Variants in AKAP10 observed in about 807,000 individuals in gnomAD.
AKAP10 encodes the protein A-kinase anchor protein 10, mitochondrial.
In AKAP10, 24 loss-of-function variants were observed where a neutral mutation model predicts 80.8. The observed-to-expected ratio is 0.30, with a 90% CI of 0.22 to 0.42. The LOEUF (loss-of-function observed/expected upper bound fraction) is 0.42. AKAP10 is among the 10% of genes least tolerant of loss of function. AKAP10 has a pLI of 1.00. For synonymous variants in AKAP10, 291 were observed against 277.7 expected, an observed-to-expected ratio of 1.05 and a Z score of -0.48; for missense variants, 661 against 794.9, an observed-to-expected ratio of 0.83 and a Z score of 2.03.
chr17:19,929,584 G>A (rs2042910859), intron 10 of AKAP10: 2 of 151,984 alleles, frequency 1.3e-5, no homozygotes, highest in African/African-American at 4.8e-5. Flanking sequence ...AGGTGTCTAA[G>A]GTTATGATAA....
chr17:19,919,243 A>G (rs1029153318), intron 12 of AKAP10, among the ~76,000 whole-genome samples: 2 of 152,168 alleles, frequency 1.3e-5, no homozygotes, highest in Non-Finnish European at 2.9e-5. Context: ...ATGTCCCTAC[A>G]AAGGACATGA....
At chr17:19,920,865 A>AC in intron 11 of AKAP10, among the ~76,000 whole-genome samples, 6 of 145,414 alleles carry the variant, frequency 4.1e-5, no homozygotes, top group African/African-American at 1.6e-4. Context: ...CAAAAAAAAA[A>AC]AAAAAAAAAA....
intron 5 of AKAP10, among the ~76,000 whole-genome samples, chr17:19,946,257 ATAT>A (rs1399305986): frequency 8.8e-5 from 2 of 22,718 alleles, no homozygotes; most frequent in Non-Finnish European, 1.5e-4. Flanking sequence ...ATATATATAT[ATAT>A]ATATATATAT....
chr17:19,916,791 G>GC (rs2042747938), intron 12 of AKAP10, among the ~76,000 whole-genome samples: 1 of 151,066 alleles, frequency 6.6e-6, no homozygotes, highest in South Asian at 2.1e-4. Flanking sequence ...CAAAAAATTA[G>GC]CCGGGCGTGG....
At chr17:19,963,804 G>C (rs2043382846) in intron 2 of AKAP10, among the ~76,000 whole-genome samples, 1 of 151,960 alleles carries the variant, frequency 6.6e-6, no homozygotes, top group African/African-American at 2.4e-5. Context: ...ACCGAGGCAG[G>C]AGAATTGCTT....
intron 10 of AKAP10, among the ~76,000 whole-genome samples, chr17:19,927,365 C>T (rs927754580): frequency 1.3e-5 from 2 of 151,694 alleles, no homozygotes; most frequent in African/African-American, 4.8e-5. Flanking sequence ...AACAAAAACC[C>T]ACCTTTTTTA....
At chr17:19,940,859 A>T in intron 7 of AKAP10, 28 bp downstream of exon 7, 2 of 1,575,528 alleles carry the variant, frequency 1.3e-6, no homozygotes, top group East Asian at 4.5e-5. Flanking sequence ...ATGCTCGAAT[A>T]GAGTGTGAAA....
intron 11 of AKAP10, among the ~76,000 whole-genome samples, chr17:19,922,044 T>A (rs986449784): frequency 6.6e-6 from 1 of 151,972 alleles, no homozygotes; most frequent in Non-Finnish European, 1.5e-5. Context: ...TTACTGTGAG[T>A]AGGAAGGGAA....
At chr17:19,947,142 C>T (rs2043143207) in intron 5 of AKAP10, 5 of 421,312 alleles carry the variant, frequency 1.2e-5, no homozygotes, top group South Asian at 2.5e-5. Flanking sequence ...AGCCGCCCGC[C>T]GGCCCGGCTG....
rs1383026809 is a variant in AKAP10, at chr17:19,946,193, AATACATATATTTTAT to A, written c.976+1199_976+1213del. ...TATATACTATATATGCATATATACT[AATACATATATTTTAT>A]ATATATATATATTTTATATATATAT... On this transcript the variant is annotated intron_variant, in intron 5 of 14. Transcript: ENST00000225737. Among the ~76,000 whole-genome samples the A allele has an allele frequency of 3.5e-5, 3 of 85,570 alleles. 1 individual carries two copies. The highest frequency in any genetic ancestry group is 1.6e-4 in the African/African-American group (3 of 18,432). 56.1% of individuals were successfully genotyped at this position (85,570 alleles called of 152,430 possible). A position where few individuals can be genotyped will look rare whatever the true frequency, so the allele number is the denominator to read the frequency against.
At chr17:19,955,286 T>C (rs562869844) in intron 4 of AKAP10, among the ~76,000 whole-genome samples, 1 of 151,978 alleles carries the variant, frequency 6.6e-6, no homozygotes, top group East Asian at 1.9e-4. Context: ...AGATCAGCGG[T>C]TGCCAAGTGT....
At chr17:19,944,034 C>T (rs752420117) in intron 5 of AKAP10, among the ~76,000 whole-genome samples, 4 of 151,834 alleles carry the variant, frequency 2.6e-5, no homozygotes, top group Admixed American at 2.0e-4. Flanking sequence ...ATATTTAACA[C>T]CTCTTCTATT....
intron 5 of AKAP10, among the ~76,000 whole-genome samples, chr17:19,943,333 C>G (rs146540675): frequency 6.6e-6 from 1 of 152,166 alleles, no homozygotes; most frequent in African/African-American, 2.4e-5. Context: ...CAGAATTACA[C>G]GTTTGGGACT....
At chr17:19,950,161 T>C (rs2043183719) in intron 4 of AKAP10, among the ~76,000 whole-genome samples, 1 of 152,116 alleles carries the variant, frequency 6.6e-6, no homozygotes, top group Non-Finnish European at 1.5e-5. Flanking sequence ...AAAAATTAGC[T>C]GGGTGTAGTG....
Position 19,931,873 on chromosome 17 carries a change from T to A in AKAP10, c.1573A>T (p.Thr525Ser). The change falls in exon 10 of 15, where the codon ACT (threonine) becomes TCT (serine). Residue 525 changes from threonine (T) to serine (S), a missense_variant. Transcript: ENST00000225737. ...GGAGGGCCAACAGAGCCAGGAGCAG[T>A]CAGCGACACGTTCCCGCCCAGAAAT... ...DEFLGGNVSL[T>S]APGSVGPPDE... The A allele has an allele frequency of 6.2e-7, 1 of 1,614,068 alleles. No individual in the cohort carries two copies. The highest frequency in any genetic ancestry group is 8.5e-7 in the Non-Finnish European group (1 of 1,180,024).
chr17:19,928,876 A>G (rs1046825390), intron 10 of AKAP10, among the ~76,000 whole-genome samples: 1 of 149,422 alleles, frequency 6.7e-6, no homozygotes, highest in African/African-American at 2.4e-5. Flanking sequence ...CCTCAAATTT[A>G]AAAACAAAAA....
At position 19,939,788 on chromosome 17, in the gene AKAP10, T is replaced by C. The variant is rs780416942; in HGVS notation, c.1247A>G (p.Gln416Arg). 2.5e-6 allele frequency: 4 copies of C among 1,614,064 alleles called. No individual in the cohort carries two copies. The highest frequency in any genetic ancestry group is 3.4e-6 in the Non-Finnish European group (4 of 1,179,978). Residue 416 changes from glutamine (Q) to arginine (R), a missense_variant, in exon 8 of 15, where the codon CAG becomes CGG. Gln to Arg is a conservative substitution (Grantham distance 43). Transcript: ENST00000225737. ...LQFWLAADNF[Q>R]SQLAAKKGQY... Reference sequence around the variant, plus strand: ...GCCCTTTTTGGCAGCAAGCTGAGACTGGAAGTTATCTGCTGCCAACCAGAA... The same window carrying C: ...GCCCTTTTTGGCAGCAAGCTGAGACCGGAAGTTATCTGCTGCCAACCAGAA...
In AKAP10 at chr17:19,955,708, A is replaced by C. The variant is rs569295312; in HGVS notation, c.877+2306T>G. On this transcript the variant is annotated intron_variant, in intron 4 of 14. Transcript: ENST00000225737. ...AAATCAGCCAGGCATGGTGGTGGGCACCTGTAATCCCAGCTACTCAGGGGG... is the reference window on the plus strand; with the variant it reads ...AAATCAGCCAGGCATGGTGGTGGGCCCCTGTAATCCCAGCTACTCAGGGGG... 4.6e-5 allele frequency among the ~76,000 whole-genome samples: 7 copies of C among 152,100 alleles called. No homozygotes were observed. The East Asian group carries it at 1.4e-3, about 29-fold the overall frequency.
At chr17:19,939,159 A>G (rs2043025897) in intron 8 of AKAP10, among the ~76,000 whole-genome samples, 1 of 152,162 alleles carries the variant, frequency 6.6e-6, no homozygotes, top group Non-Finnish European at 1.5e-5. Context: ...TGATGTTTCC[A>G]TCCTCTCATT....
Sources: gnomAD v4.1 joint callset for allele counts (sites outside exome capture counted in the v4.1 genomes callset) on GRCh38, gnomAD v4.1.1 for gene constraint, MANE v1.5 for transcripts, NCBI Gene and HGNC (gene_info 2026-07-23, HGNC 2026-07-21) for gene names.